TSC1: variants seen among roughly 807,000 people sequenced by gnomAD.
The protein encoded by TSC1 is TSC complex subunit 1, also known as hamartin.
A neutral mutation model predicts 124.3 loss-of-function variants in TSC1; 20 were observed. The ratio of observed to expected loss-of-function variants is 0.16; its 90% confidence interval spans 0.11 to 0.23. The LOEUF (loss-of-function observed/expected upper bound fraction) is 0.23, where lower values mean the gene tolerates loss of function less well. TSC1 is among the 10% of genes least tolerant of loss of function. TSC1 has a pLI of 1.00. For synonymous variants in TSC1, 493 were observed against 539.1 expected (o/e 0.91, Z 1.19); for missense variants, 1,124 against 1,448.5 (o/e 0.78, Z 3.64).
At chr9:132,911,590 CAG>C (rs1491082016) in intron 9 of TSC1, 22 bp from the exon 10 acceptor site, 6 of 829,630 alleles carry the variant, frequency 7.2e-6, no homozygotes, top group Non-Finnish European at 9.0e-6. Flanking sequence ...GAGAAGAACA[CAG>C]GGGGTTAGTG....
In TSC1 at chr9:132,923,521, G is replaced by A. The variant is rs764150209; in HGVS notation, c.364-29C>T. On this transcript the variant is annotated intron_variant, in intron 5 of 22. Coordinates refer to ENST00000298552, the MANE Select transcript of TSC1 (RefSeq NM_000368.5). This position sits in a 1 kb window ranked among gnomAD's most constrained non-coding sequence, Gnocchi z 4.2. ...CAGGAGAAAAGGTCAAACAGGAAAC[G>A]TCTGTCAGGCACTGGCACCAGGATC... 6.8e-6 allele frequency: 11 copies of A among 1,613,924 alleles called. No individual in the cohort carries two copies. The highest frequency in any genetic ancestry group is 3.3e-4 in the Middle Eastern group (2 of 6,038).
chr9:132,897,061 G>T (rs1845108494), intron 22 of TSC1, 123 bp downstream of exon 22: 2 of 1,485,346 alleles, frequency 1.3e-6, no homozygotes, highest in Non-Finnish European at 9.3e-7. Context: ...CTCTGACACG[G>T]AGTGAGCTGA....
Position 132,910,767 on chromosome 9 carries a change from A to G in TSC1, c.1142-75T>C, listed in dbSNP as rs557251400. On this transcript the variant is annotated intron_variant, in intron 11 of 22. Transcript: ENST00000298552. ...AAAACTGCCGATTTTTTTTCAGCCT[A>G]TAACTATTACTATAAATAAAGCTGC... is the stretch of plus-strand genomic sequence containing the variant. 591 of 1,596,164 alleles carry G rather than the reference A, an allele frequency of 3.7e-4. 9 individuals carry two copies. In the South Asian group the frequency reaches 6.1e-3, roughly 17 times the overall value.
chr9:132,910,320 AAAATC>A, intron 12 of TSC1: 1 of 638,740 alleles, frequency 1.6e-6, no homozygotes, highest in Non-Finnish European at 2.7e-6. Context: ...AAAAAAAAAA[AAAATC>A]AAGAGAGTAG....
rs2132008163 is a variant in TSC1, at chr9:132,912,473, A to G, written c.738-16T>C. The G allele has an allele frequency of 2.5e-6, 4 of 1,614,140 alleles. No individual in the cohort carries two copies. Among genetic ancestry groups the G allele is most frequent in the Non-Finnish European group, 3.4e-6 (4 of 1,180,020 alleles). ...TCTCTTCCACCTGTAAAATGCAATGAAAGTCAAGAAATGCAAACTGTAATC... is the reference window on the plus strand; with the variant it reads ...TCTCTTCCACCTGTAAAATGCAATGGAAGTCAAGAAATGCAAACTGTAATC... On this transcript the variant is annotated splice_polypyrimidine_tract_variant and intron_variant, in intron 8 of 22. Coordinates refer to ENST00000298552, the MANE Select transcript of TSC1 (RefSeq NM_000368.5).
Position 132,911,005 on chromosome 9 carries a change from T to C in TSC1, c.1138A>G (p.Thr380Ala), listed in dbSNP as rs1060503216. ...SHPYSKVFGT[T>A]AGGKGTPLGT... ...ATCCAACCTAAGACATACATACCAG[T>C]TGTACCAAAGACTTTACTGTAAGGG... is the stretch of plus-strand genomic sequence containing the variant. The change falls in exon 11 of 23, where the codon ACT (threonine) becomes GCT (alanine). Residue 380 changes from threonine (T) to alanine (A), a missense_variant. Coordinates refer to ENST00000298552, the MANE Select transcript of TSC1 (RefSeq NM_000368.5). 7 of 1,613,750 alleles carry C rather than the reference T, an allele frequency of 4.3e-6. No individual in the cohort carries two copies. The East Asian group carries it at 1.3e-4, about 31-fold the overall frequency.
chr9:132,930,587 C>CAAAAA lies in TSC1; in HGVS notation c.-80-1640_-80-1636dup, dbSNP rs58163733. Reference sequence around the variant, plus strand: ...TGGGCAACAAAGCAAGACTCTGCCTCAAAAAAAAAAAAAAAAAAAAAAAAA... The same window carrying CAAAAA: ...TGGGCAACAAAGCAAGACTCTGCCTCAAAAAAAAAAAAAAAAAAAAAAAAAAAAAA... On this transcript the variant is annotated intron_variant, in intron 2 of 22. Transcript: ENST00000298552. Among the ~76,000 whole-genome samples the CAAAAA allele has an allele frequency of 7.7e-3, 348 of 45,174 alleles. 11 individuals carry two copies. The highest frequency in any genetic ancestry group is 8.8e-3 in the African/African-American group (88 of 10,052). The allele number at this position is 45,174 out of a possible 152,430, so 29.6% of individuals were successfully genotyped here.
chr9:132,910,976 T>C, intron 11 of TSC1, 26 bp downstream of exon 11: 2 of 1,605,806 alleles, frequency 1.2e-6, no homozygotes, highest in African/African-American at 1.3e-5. Flanking sequence ...AACCAACTAA[T>C]CAAATCCAAC....
intron 3 of TSC1, among the ~76,000 whole-genome samples, chr9:132,928,136 C>T (rs1846991216): frequency 6.6e-6 from 1 of 152,184 alleles, no homozygotes; most frequent in South Asian, 2.1e-4. Context: ...TTCTTTCCGT[C>T]CTCCTAGTGT....
At position 132,896,616 on chromosome 9, in the gene TSC1, G is replaced by A. The variant is rs1588287598; in HGVS notation, c.3114C>T (p.Ser1038=). 2 of 1,613,672 alleles carry A rather than the reference G, an allele frequency of 1.2e-6. No individual in the cohort carries two copies. Among genetic ancestry groups the A allele is most frequent in the Non-Finnish European group, 1.7e-6 (2 of 1,179,722 alleles). ...GSSGSRGGGG[S]SSSSSELSTP... is the part of the protein sequence containing the mutation. ...TAGAAAGCTCGCTGCTGCTGCTGCTGCTGCCTCCACCACCTCTGCTTCCAC... is the reference window on the plus strand; with the variant it reads ...TAGAAAGCTCGCTGCTGCTGCTGCTACTGCCTCCACCACCTCTGCTTCCAC... Residue 1038 remains serine, a synonymous_variant, in exon 23 of 23, where the codon AGC becomes AGT. Coordinates refer to ENST00000298552, the MANE Select transcript of TSC1 (RefSeq NM_000368.5). The surrounding 1 kb of genome is among the most constrained non-coding windows in gnomAD (Gnocchi z 4.5).
rs1588309781 is a variant in TSC1 at position 132,905,865 on chromosome 9, T to A, written c.1713A>T (p.Glu571Asp). 6.2e-7 allele frequency: 1 copy of A among 1,612,712 alleles called. No homozygotes were observed. Among genetic ancestry groups the A allele is most frequent in the Non-Finnish European group, 8.5e-7 (1 of 1,178,862 alleles). Residue 571 changes from glutamate (E) to aspartate (D), a missense_variant, in exon 15 of 23, where the codon GAA becomes GAT. Coordinates refer to ENST00000298552, the MANE Select transcript of TSC1 (RefSeq NM_000368.5). ...TACTGGTCTCCAAAGAAGTCTGGCATTCCCTGTCTCCCGCAGGGCTTTCAT... is the reference window on the plus strand; with the variant it reads ...TACTGGTCTCCAAAGAAGTCTGGCAATCCCTGTCTCCCGCAGGGCTTTCAT... ...SADESPAGDR[E>D]CQTSLETSIF... is the part of the protein sequence containing the mutation.
At chr9:132,943,676 A>C (rs928158956) in intron 1 of TSC1, 1 of 152,188 alleles carries the variant, frequency 6.6e-6, no homozygotes, top group Non-Finnish European at 1.5e-5. Flanking sequence ...GGACCAAAGG[A>C]GATAATGACT....
chr9:132,909,886 A>C (rs1006113667), intron 12 of TSC1: 2 of 152,664 alleles, frequency 1.3e-5, no homozygotes, highest in African/African-American at 4.8e-5. Flanking sequence ...GGGATAGGAC[A>C]CTTCAATGCC....
intron 20 of TSC1, 73 bp downstream of exon 20, chr9:132,900,642 C>T (rs1157216304): frequency 3.7e-6 from 6 of 1,607,898 alleles, no homozygotes; most frequent in Non-Finnish European, 5.1e-6. Flanking sequence ...ATTCTCTATG[C>T]CATGCGGGAG....
At chr9:132,930,742 G>T (rs1349634379) in intron 2 of TSC1, among the ~76,000 whole-genome samples, 1 of 151,924 alleles carries the variant, frequency 6.6e-6, no homozygotes, top group Non-Finnish European at 1.5e-5. Flanking sequence ...ACTGATTTTG[G>T]CTCTTAGTAA....
chr9:132,912,697 C>A, intron 8 of TSC1: 1 of 533,866 alleles, frequency 1.9e-6, no homozygotes, highest in Non-Finnish European at 3.4e-6. Flanking sequence ...CAAATATTTC[C>A]TCAACAAAAG....
chr9:132,938,917 G>A (rs977656120), intron 1 of TSC1, among the ~76,000 whole-genome samples: 3 of 152,056 alleles, frequency 2.0e-5, no homozygotes, highest in Non-Finnish European at 2.9e-5. Context: ...ATAGGTGACC[G>A]CATATCAATT....
chr9:132,897,067 G>C (rs575160309), intron 22 of TSC1, 117 bp downstream of exon 22: 12 of 1,511,328 alleles, frequency 7.9e-6, no homozygotes, highest in Non-Finnish European at 1.0e-5. Context: ...CACGGAGTGA[G>C]CTGAGTGTTG....
rs1379339143 is a variant in TSC1, at chr9:132,891,938, A to G, written c.*4297T>C. ...GGTTTCCACTGAAAGGTCCATTCCA[A>G]TGGTTAAACCAGCCTACTTATCTCA... On this transcript the variant is annotated 3_prime_UTR_variant, in exon 23 of 23. Transcript: ENST00000298552. The G allele has an allele frequency of 4.3e-6, 1 of 233,108 alleles. No individual in the cohort carries two copies. The highest frequency in any genetic ancestry group is 8.5e-6 in the Non-Finnish European group (1 of 117,900). The allele number at this position is 233,108 out of a possible 1,614,324, so 14.4% of individuals were successfully genotyped here.
Sources: gnomAD v4.1 joint callset for allele counts (sites outside exome capture counted in the v4.1 genomes callset) on GRCh38, gnomAD v4.1.1 for gene constraint, Gnocchi (gnomAD v3.1) non-coding constraint, MANE v1.5 for transcripts, NCBI Gene and HGNC (gene_info 2026-07-23, HGNC 2026-07-21) for gene names.